The following EARS2 variants were observed in gnomAD, a reference collection of about 807,000 sequenced individuals.
EARS2 encodes nondiscriminating glutamyl-tRNA synthetase EARS2, mitochondrial.
EARS2 carries 50 observed loss-of-function variants against 54.1 expected under a neutral mutation model. The ratio of observed to expected loss-of-function variants is 0.92; its 90% CI spans 0.74 to 1.17. EARS2 has a LOEUF of 1.17. Among genes scored for constraint, EARS2 ranks in the 50% most tolerant of loss-of-function variants. The pLI is 0.00. For missense variants in EARS2, 673 were observed against 675.0 expected, an observed-to-expected ratio of 1.00 and a Z score of 0.03; for synonymous variants, 298 against 281.0, an observed-to-expected ratio of 1.06 and a Z score of -0.61.
At chr16:23,553,372 C>T (rs931407908) in intron 1 of EARS2, among the ~76,000 whole-genome samples, 1 of 152,116 alleles carries the variant, frequency 6.6e-6, no homozygotes. Flanking sequence ...TCATTGAGGC[C>T]ATATCATGTA....
At chr16:23,534,599 C>T (rs1360530632) in intron 4 of EARS2, among the ~76,000 whole-genome samples, 1 of 152,178 alleles carries the variant, frequency 6.6e-6, no homozygotes, top group Non-Finnish European at 1.5e-5. Context: ...TGAATCCTAA[C>T]CCAATGAGGT....
At chr16:23,532,009 C>T (rs1965335397) in intron 5 of EARS2, among the ~76,000 whole-genome samples, 1 of 152,136 alleles carries the variant, frequency 6.6e-6, no homozygotes, top group Non-Finnish European at 1.5e-5. Flanking sequence ...GACAGGGTTT[C>T]ACCATGTTGG....
intron 3 of EARS2, among the ~76,000 whole-genome samples, chr16:23,540,022 C>T (rs1482838125): frequency 6.6e-6 from 1 of 152,104 alleles, no homozygotes; most frequent in East Asian, 1.9e-4. Flanking sequence ...GGCATGGCGG[C>T]ACACACCTGT....
intron 1 of EARS2, among the ~76,000 whole-genome samples, chr16:23,553,627 C>T (rs1396944724): frequency 6.6e-6 from 1 of 151,742 alleles, no homozygotes; most frequent in Non-Finnish European, 1.5e-5. Flanking sequence ...CATGGTGGCT[C>T]ACACCTTTAA....
intron 3 of EARS2, among the ~76,000 whole-genome samples, chr16:23,540,083 G>A (rs1180040925): frequency 1.3e-5 from 2 of 152,180 alleles, no homozygotes; most frequent in Non-Finnish European, 2.9e-5. Context: ...GAGCCCAGGA[G>A]GCAGAAGTTG....
At chr16:23,542,593 C>T (rs1023770573) in intron 3 of EARS2, among the ~76,000 whole-genome samples, 5 of 151,822 alleles carry the variant, frequency 3.3e-5, no homozygotes, top group Non-Finnish European at 5.9e-5. Flanking sequence ...GGATTACAGG[C>T]GTGAGCCACC....
rs1482165967 is a variant in EARS2, at chr16:23,546,976, A to T, written c.296-2273T>A. On this transcript the variant is annotated intron_variant, in intron 2 of 8. Transcript: ENST00000449606. ...ATCCCTTCCTGATCTAATGCTAAAC[A>T]AGTCTCTTTAATGTGGTATCTTGGA... 2.0e-5 allele frequency among the ~76,000 whole-genome samples: 3 copies of T among 152,302 alleles called. No homozygotes were observed. The East Asian group carries it at 5.8e-4, about 29-fold the overall frequency.
intron 1 of EARS2, among the ~76,000 whole-genome samples, chr16:23,552,787 G>A (rs1179471287): frequency 1.3e-5 from 2 of 152,164 alleles, no homozygotes; most frequent in Non-Finnish European, 2.9e-5. Context: ...CATCACACCT[G>A]GCCAATTTTT....
At chr16:23,526,080 G>A (rs1392123175) in intron 7 of EARS2, among the ~76,000 whole-genome samples, 1 of 149,442 alleles carries the variant, frequency 6.7e-6, no homozygotes, top group African/African-American at 2.5e-5. Flanking sequence ...CCAAGTGCCT[G>A]AACACATGAT....
intron 7 of EARS2, 85 bp from the exon 8 acceptor site, chr16:23,525,464 G>C: frequency 7.1e-7 from 1 of 1,416,902 alleles, no homozygotes; most frequent in Non-Finnish European, 9.6e-7. Context: ...TTATTGATCA[G>C]CTACAGTACG....
chr16:23,542,507 G>T (rs1965532498), intron 3 of EARS2, among the ~76,000 whole-genome samples: 1 of 150,236 alleles, frequency 6.7e-6, no homozygotes, highest in Non-Finnish European at 1.5e-5. Flanking sequence ...GCAGAGACGG[G>T]GTTTCACCAC....
Position 23,535,002 on chromosome 16 carries a change from C to T in EARS2, c.844G>A (p.Gly282Ser). The change falls in exon 4 of 9, where the codon GGC becomes AGC. Residue 282 changes from glycine to serine, a missense_variant. Transcript: ENST00000449606. ...CCTTGCCTCTTGGAGAGCTTGCTGC[C>T]ATCCCTGTTGAGGAGCAGGGGCAGG... ...AHLPLLLNRDGSKLSKRQGDV... is the reference protein window; with the variant it reads ...AHLPLLLNRDSSKLSKRQGDV... The T allele has an allele frequency of 6.2e-7, 1 of 1,612,780 alleles. No individual in the cohort carries two copies. Among genetic ancestry groups the T allele is most frequent in the Non-Finnish European group, 8.5e-7 (1 of 1,179,500 alleles).
chr16:23,554,827 TTTCC>T (rs1313252009), intron 1 of EARS2, among the ~76,000 whole-genome samples: 1 of 152,226 alleles, frequency 6.6e-6, no homozygotes, highest in African/African-American at 2.4e-5. Flanking sequence ...TGAGCTTCTA[TTTCC>T]TCATCTGTCA....
chr16:23,555,656 A>G (rs1965764301), intron 1 of EARS2, among the ~76,000 whole-genome samples: 1 of 152,218 alleles, frequency 6.6e-6, no homozygotes, highest in African/African-American at 2.4e-5. Context: ...TCAGTTCACA[A>G]TCAAGTACAG....
intron 3 of EARS2, among the ~76,000 whole-genome samples, chr16:23,543,416 A>T (rs1965548156): frequency 6.6e-6 from 1 of 151,060 alleles, no homozygotes. Context: ...TGACTCTATG[A>T]AAAAAAACAA....
At chr16:23,550,358 T>C (rs1004534606) in intron 2 of EARS2, among the ~76,000 whole-genome samples, 24 of 150,656 alleles carry the variant, frequency 1.6e-4, no homozygotes, top group South Asian at 4.2e-4. Flanking sequence ...CAGAGCAAGA[T>C]TTTGTTTGTT....
At chr16:23,526,110 CTTTTTTTTTTT>C (rs55859005) in intron 7 of EARS2, among the ~76,000 whole-genome samples, 2 of 119,992 alleles carry the variant, frequency 1.7e-5, no homozygotes, top group Non-Finnish European at 3.5e-5. Flanking sequence ...GAAATATTAC[CTTTTTTTTTTT>C]TTTTTTTTGG....
At chr16:23,532,863 C>T (rs371241182) in intron 4 of EARS2, 98 bp from the exon 5 acceptor site, 2 of 804,044 alleles carry the variant, frequency 2.5e-6, no homozygotes, top group Admixed American at 2.3e-5. Flanking sequence ...CTCTGCTGCC[C>T]AGGTTGGAGT....
chr16:23,553,658 G>A (rs956062145), intron 1 of EARS2, among the ~76,000 whole-genome samples: 55 of 152,202 alleles, frequency 3.6e-4, no homozygotes, highest in Non-Finnish European at 4.9e-4. Context: ...TTGGGAGGCC[G>A]AGGCGGGTGG....
Sources: allele counts gnomAD v4.1 joint callset (sites outside exome capture counted in the v4.1 genomes callset), GRCh38; gene constraint gnomAD v4.1.1; transcripts MANE v1.5; gene names NCBI Gene and HGNC (gene_info 2026-07-23, HGNC 2026-07-21).